Variants in SLC44A5 observed in about 807,000 individuals in gnomAD.
The protein encoded by SLC44A5 is choline transporter-like protein 5.
In SLC44A5, 57 loss-of-function variants were observed where a neutral mutation model predicts 101.8. That is an observed-to-expected ratio of 0.56 (90% CI 0.45 to 0.70). The LOEUF is 0.70. SLC44A5 is among the 30% of genes least tolerant of loss of function. The probability of loss-of-function intolerance (pLI) is 0.00; values close to 1 mark genes in which losing one functional copy is unlikely to be tolerated. For synonymous variants in SLC44A5, 281 were observed against 290.9 expected, an observed-to-expected ratio of 0.97 and a Z score of 0.35; for missense variants, 737 against 853.1, an observed-to-expected ratio of 0.86 and a Z score of 1.70.
At chr1:75,461,632 A>G (rs1472342602) in intron 2 of SLC44A5, among the ~76,000 whole-genome samples, 1 of 152,214 alleles carries the variant, frequency 6.6e-6, no homozygotes, top group Non-Finnish European at 1.5e-5. Context: ...TCCAATAAAA[A>G]TACAAAGCAA....
At chr1:75,317,501 C>T (rs1295299759) in intron 4 of SLC44A5, among the ~76,000 whole-genome samples, 1 of 152,046 alleles carries the variant, frequency 6.6e-6, no homozygotes, top group Non-Finnish European at 1.5e-5. Flanking sequence ...TCATGAAATC[C>T]CTTTCACACA....
chr1:75,396,440 A>C (rs970722035), intron 3 of SLC44A5, 143 bp downstream of exon 3: 20 of 692,158 alleles, frequency 2.9e-5, no homozygotes, highest in Admixed American at 1.7e-4. Flanking sequence ...TTGAAAGAAG[A>C]ATCCAAAAAA....
intron 16 of SLC44A5, 31 bp from the exon 17 acceptor site, chr1:75,218,783 A>G: frequency 1.3e-6 from 2 of 1,578,794 alleles, no homozygotes; most frequent in Non-Finnish European, 1.7e-6. Context: ...ACAAGGACAT[A>G]ATATTAAATA....
At chr1:75,586,765 G>A (rs1674025261) in intron 1 of SLC44A5, among the ~76,000 whole-genome samples, 1 of 152,146 alleles carries the variant, frequency 6.6e-6, no homozygotes, top group African/African-American at 2.4e-5. Context: ...CAAAGTCCTT[G>A]AAGGCAGAAA....
At chr1:75,328,385 A>G (rs1656769757) in intron 4 of SLC44A5, among the ~76,000 whole-genome samples, 1 of 152,224 alleles carries the variant, frequency 6.6e-6, no homozygotes, top group Non-Finnish European at 1.5e-5. Context: ...TTCTCTAAAA[A>G]GAGGAGATAT....
chr1:75,300,396 T>G (rs147767978), intron 5 of SLC44A5, among the ~76,000 whole-genome samples: 6 of 152,330 alleles, frequency 3.9e-5, no homozygotes, highest in African/African-American at 1.4e-4. Context: ...TGTATTTACT[T>G]AAGTAATTTG....
intron 3 of SLC44A5, among the ~76,000 whole-genome samples, chr1:75,360,205 T>G (rs888954193): frequency 1.6e-4 from 24 of 152,230 alleles, no homozygotes; most frequent in Admixed American, 5.2e-4. Context: ...TTGCTTTTGT[T>G]GGCTATATTT....
At chr1:75,397,763 T>G (rs1421596279) in intron 2 of SLC44A5, among the ~76,000 whole-genome samples, 2 of 152,096 alleles carry the variant, frequency 1.3e-5, no homozygotes, top group Non-Finnish European at 2.9e-5. Context: ...AACCTGGAAT[T>G]CAAACTTAGG....
intron 4 of SLC44A5, among the ~76,000 whole-genome samples, chr1:75,314,731 C>A (rs1209528927): frequency 6.6e-6 from 1 of 152,148 alleles, no homozygotes; most frequent in East Asian, 1.9e-4. Context: ...TCTTGATCAT[C>A]ACTTTTATTG....
At chr1:75,366,874 A>G (rs1358499102) in intron 3 of SLC44A5, among the ~76,000 whole-genome samples, 1 of 151,926 alleles carries the variant, frequency 6.6e-6, no homozygotes, top group East Asian at 1.9e-4. Context: ...CTGTTTGGTT[A>G]TTTTTATAGT....
At chr1:75,717,234 C>T in the SLC44A5 span, among the ~76,000 whole-genome samples, 2 of 149,874 alleles carry the variant, frequency 1.3e-5, no homozygotes, top group African/African-American at 4.9e-5. Context: ...CCAGCTACTC[C>T]GTAGGCTGAG....
the SLC44A5 span, among the ~76,000 whole-genome samples, chr1:75,702,073 C>T: frequency 6.6e-6 from 1 of 152,154 alleles, no homozygotes; most frequent in Admixed American, 6.5e-5. Flanking sequence ...GTGAAAATGG[C>T]CATACTGCCC....
intron 2 of SLC44A5, among the ~76,000 whole-genome samples, chr1:75,485,523 A>C (rs184825265): frequency 3.8e-4 from 58 of 152,316 alleles, no homozygotes; most frequent in Admixed American, 1.8e-3. Context: ...TTTTGGTCAC[A>C]ATCATTCAAC....
intron 5 of SLC44A5, among the ~76,000 whole-genome samples, chr1:75,295,008 GA>G (rs1490394864): frequency 6.6e-6 from 1 of 152,068 alleles, no homozygotes; most frequent in African/African-American, 2.4e-5. Context: ...TTTGCTAAGA[GA>G]ATATATCTTA....
the SLC44A5 span, among the ~76,000 whole-genome samples, chr1:75,674,119 G>A: frequency 6.6e-5 from 10 of 152,208 alleles, no homozygotes; most frequent in East Asian, 1.2e-3. Context: ...CTTCCAGACA[G>A]AGAATTCAAA....
At chr1:75,632,641 C>G in the SLC44A5 span, among the ~76,000 whole-genome samples, 2,397 of 152,176 alleles carry the variant, frequency 0.016, 77 homozygotes, top group African/African-American at 0.053. Context: ...TTTCAAGAGT[C>G]AGGTTTAAAT....
intron 1 of SLC44A5, among the ~76,000 whole-genome samples, chr1:75,561,474 T>C (rs1672515460): frequency 6.6e-6 from 1 of 152,108 alleles, no homozygotes; most frequent in Admixed American, 6.5e-5. Flanking sequence ...AAAGGAACTT[T>C]GGTATTTTTC....
In SLC44A5 at chr1:75,297,171, A is replaced by G. The variant is rs188248651; in HGVS notation, c.175+3441T>C. Among the ~76,000 whole-genome samples, 8 of 152,368 alleles carry G rather than the reference A, an allele frequency of 5.3e-5. No homozygotes were observed. The East Asian group carries it at 1.5e-3, about 29-fold the overall frequency. ...ACCCCTGGGAAAGGTTAAAAAAAGC[A>G]AAACCAAAACAAACTTTGGATCCTA... is the stretch of plus-strand genomic sequence containing the variant. On this transcript the variant is annotated intron_variant, in intron 5 of 23. Transcript: ENST00000370859.
chr1:75,264,508 A>G (rs1298986062), intron 6 of SLC44A5, among the ~76,000 whole-genome samples: 2 of 152,270 alleles, frequency 1.3e-5, no homozygotes, highest in Non-Finnish European at 2.9e-5. Flanking sequence ...GGGAAACTAT[A>G]AATAAATGGA....
Sources: allele counts gnomAD v4.1 joint callset (sites outside exome capture counted in the v4.1 genomes callset), GRCh38; gene constraint gnomAD v4.1.1; transcripts MANE v1.5; gene names NCBI Gene and HGNC (gene_info 2026-07-23, HGNC 2026-07-21).